CDYL2: variants seen among roughly 807,000 people sequenced by gnomAD.
The protein encoded by CDYL2 is chromodomain Y like 2.
A neutral mutation model predicts 49.4 loss-of-function variants in CDYL2; 23 were observed. That is an observed-to-expected ratio of 0.47 (90% confidence interval 0.34 to 0.66). CDYL2 has a LOEUF of 0.66. CDYL2 is among the 30% of genes least tolerant of loss of function. The pLI is 0.01. For synonymous variants in CDYL2, 360 were observed against 268.8 expected (o/e 1.34, Z -3.32); for missense variants, 678 against 656.4 (o/e 1.03, Z -0.36).
intron 2 of CDYL2, among the ~76,000 whole-genome samples, chr16:80,633,888 T>A (rs1187555895): frequency 6.6e-6 from 1 of 152,138 alleles, no homozygotes; most frequent in Non-Finnish European, 1.5e-5. Context: ...CTGAAAAGGT[T>A]TGAAAACTAA....
At chr16:80,752,362 A>T (rs578139366) in intron 1 of CDYL2, among the ~76,000 whole-genome samples, 1 of 152,042 alleles carries the variant, frequency 6.6e-6, no homozygotes, top group Non-Finnish European at 1.5e-5. Flanking sequence ...GAGTAAAAGC[A>T]CTCTGTGAAA....
At chr16:80,643,501 C>G (rs1908195957) in intron 2 of CDYL2, among the ~76,000 whole-genome samples, 1 of 152,242 alleles carries the variant, frequency 6.6e-6, no homozygotes. Context: ...GCGGTGAGCC[C>G]ATATTTCCCT....
intron 2 of CDYL2, among the ~76,000 whole-genome samples, chr16:80,650,837 G>A (rs1454878083): frequency 1.3e-5 from 2 of 152,012 alleles, no homozygotes; most frequent in African/African-American, 4.8e-5. Context: ...GGAACTGGAG[G>A]TCATTCTGCT....
chr16:80,795,323 T>C (rs1907738114), intron 1 of CDYL2, among the ~76,000 whole-genome samples: 5 of 152,204 alleles, frequency 3.3e-5, no homozygotes, highest in Admixed American at 3.3e-4. Flanking sequence ...ATGAAAATTC[T>C]GGGAGAGATG....
At chr16:80,616,641 C>G (rs1443919029) in intron 4 of CDYL2, among the ~76,000 whole-genome samples, 1 of 152,134 alleles carries the variant, frequency 6.6e-6, no homozygotes, top group Non-Finnish European at 1.5e-5. Context: ...CCAGAGAGGT[C>G]CCTGGCAGGC....
At chr16:80,754,491 C>T (rs746993065) in intron 1 of CDYL2, among the ~76,000 whole-genome samples, 1 of 152,090 alleles carries the variant, frequency 6.6e-6, no homozygotes, top group Non-Finnish European at 1.5e-5. Context: ...TACCAGAATC[C>T]GAGAACCGTC....
chr16:80,655,026 C>T (rs563140727), intron 2 of CDYL2, among the ~76,000 whole-genome samples: 71 of 152,306 alleles, frequency 4.7e-4, no homozygotes, highest in African/African-American at 1.7e-3. Flanking sequence ...CGGTCCCGTT[C>T]GTGGAGGCTT....
intron 1 of CDYL2, among the ~76,000 whole-genome samples, chr16:80,725,559 C>G (rs769361749): frequency 1.3e-5 from 2 of 152,210 alleles, no homozygotes; most frequent in African/African-American, 2.4e-5. Flanking sequence ...CTACAGTCTA[C>G]GAATCTCAGT....
chr16:80,603,574 A>T lies in CDYL2; in HGVS notation c.*814T>A, dbSNP rs1906191844. ...CATGGTTCATTGCTAGAATGCACCA[A>T]ACGGCATGAACCTTGTGTGGGATTT... On this transcript the variant is annotated 3_prime_UTR_variant, in exon 7 of 7. Coordinates refer to ENST00000570137, the MANE Select transcript of CDYL2 (RefSeq NM_152342.4). 6.6e-6 allele frequency: 1 copy of T among 152,564 alleles called. No homozygotes were observed. Among genetic ancestry groups the T allele is most frequent in the African/African-American group, 2.4e-5 (1 of 41,450 alleles). The allele number at this position is 152,564 out of a possible 1,614,324, so 9.5% of individuals were successfully genotyped here. A position where few individuals can be genotyped will look rare whatever the true frequency, so the allele number is the denominator to read the frequency against.
Position 80,602,081 on chromosome 16 carries a change from G to A in CDYL2, c.*2307C>T, listed in dbSNP as rs529233469. ...TCAGAAGTTCAACAGAAAAGAGGGG[G>A]CTCTTTCTAATGAAAATTTAGCAGT... On this transcript the variant is annotated 3_prime_UTR_variant, in exon 7 of 7. Transcript: ENST00000570137. 3 of 152,298 alleles carry A rather than the reference G, an allele frequency of 2.0e-5. No individual in the cohort carries two copies. Among genetic ancestry groups the A allele is most frequent in the South Asian group, 2.1e-4 (1 of 4,826 alleles). 9.4% of individuals were successfully genotyped at this position (152,298 alleles called of 1,614,324 possible). A position where few individuals can be genotyped will look rare whatever the true frequency, so the allele number is the denominator to read the frequency against.
At chr16:80,669,181 T>A (rs907050479) in intron 2 of CDYL2, among the ~76,000 whole-genome samples, 1 of 151,842 alleles carries the variant, frequency 6.6e-6, no homozygotes, top group African/African-American at 2.4e-5. Flanking sequence ...GAAGAGTCAA[T>A]AGTGGGTGCC....
intron 1 of CDYL2, among the ~76,000 whole-genome samples, chr16:80,802,741 T>C (rs1907964082): frequency 6.6e-6 from 1 of 152,156 alleles, no homozygotes; most frequent in Admixed American, 6.5e-5. Flanking sequence ...AGACCTGTGC[T>C]CCTTTCTCCA....
rs192278849 is a variant in CDYL2 at position 80,722,680 on chromosome 16, C to T, written c.25-37551G>A. ...AACTGACAGACATCCGAAAACCAGG[C>T]CCTTTTCAAAACACCACACTGACTC... On this transcript the variant is annotated intron_variant, in intron 1 of 6. Transcript: ENST00000570137. Among the ~76,000 whole-genome samples, 460 of 152,276 alleles carry T rather than the reference C, an allele frequency of 3.0e-3. 1 individual carries two copies. The highest frequency in any genetic ancestry group is 4.7e-3 in the Non-Finnish European group (319 of 68,012).
chr16:80,764,007 G>C (rs865804537), intron 1 of CDYL2, among the ~76,000 whole-genome samples: 1 of 151,886 alleles, frequency 6.6e-6, no homozygotes, highest in African/African-American at 2.4e-5. Flanking sequence ...AAAAGCACTG[G>C]AGAAATTAAG....
At chr16:80,799,389 C>G (rs1907859084) in intron 1 of CDYL2, among the ~76,000 whole-genome samples, 2 of 152,162 alleles carry the variant, frequency 1.3e-5, no homozygotes, top group Admixed American at 6.5e-5. Flanking sequence ...GTTTTCTTAA[C>G]TATATCTCCC....
At chr16:80,719,122 C>T (rs1038986700) in intron 1 of CDYL2, among the ~76,000 whole-genome samples, 3 of 152,144 alleles carry the variant, frequency 2.0e-5, no homozygotes, top group Admixed American at 1.3e-4. Context: ...ACACCTGTTA[C>T]GTGCCTGGCC....
chr16:80,612,751 G>A lies in CDYL2; in HGVS notation c.1093C>T (p.Leu365=). The stretch of plus-strand genomic sequence containing the variant: ...GCCCACACGATGTCACAGAGGGGCA[G>A]GATGGAGGCACCCAGGCCCAGGGCC... The part of the protein sequence containing the change: ...GPALGLGASI[L]PLCDIVWASE... The change falls in exon 5 of 7, where the codon CTG becomes TTG. Residue 365 remains leucine, a synonymous_variant. Coordinates refer to ENST00000570137, the MANE Select transcript of CDYL2 (RefSeq NM_152342.4). The surrounding 1 kb of genome is among the most constrained non-coding windows in gnomAD (Gnocchi z 5.0). 2 of 1,613,842 alleles carry A rather than the reference G, an allele frequency of 1.2e-6. No homozygotes were observed. Among genetic ancestry groups the A allele is most frequent in the Non-Finnish European group, 1.7e-6 (2 of 1,180,012 alleles).
chr16:80,777,285 T>C (rs1264008477), intron 1 of CDYL2, among the ~76,000 whole-genome samples: 2 of 152,076 alleles, frequency 1.3e-5, no homozygotes, highest in Non-Finnish European at 2.9e-5. Context: ...GATTATTAAA[T>C]TATACATATA....
At chr16:80,773,757 T>C (rs1428106540) in intron 1 of CDYL2, among the ~76,000 whole-genome samples, 1 of 152,138 alleles carries the variant, frequency 6.6e-6, no homozygotes, top group Non-Finnish European at 1.5e-5. Context: ...TTAAAACTCG[T>C]ATGACATACT....
Sources: allele counts gnomAD v4.1 joint callset (sites outside exome capture counted in the v4.1 genomes callset), GRCh38; gene constraint gnomAD v4.1.1; non-coding constraint Gnocchi (gnomAD v3.1); transcripts MANE v1.5; gene names NCBI Gene and HGNC (gene_info 2026-07-23, HGNC 2026-07-21).